Variants in SLC20A2 observed in about 807,000 individuals in gnomAD.
SLC20A2 encodes the protein sodium-dependent phosphate transporter 2.
SLC20A2 carries 30 observed loss-of-function variants against 61.0 expected under a neutral mutation model. The ratio of observed to expected loss-of-function variants is 0.49; its 90% CI spans 0.37 to 0.67. The LOEUF (loss-of-function observed/expected upper bound fraction) is 0.67. SLC20A2 is among the 30% of genes least tolerant of loss of function. The pLI, the probability that SLC20A2 is intolerant of heterozygous loss-of-function variation, is 0.00. For synonymous variants in SLC20A2, 351 were observed against 353.3 expected, an observed-to-expected ratio of 0.99 and a Z score of 0.07; for missense variants, 626 against 866.4, an observed-to-expected ratio of 0.72 and a Z score of 3.48.
intron 1 of SLC20A2, among the ~76,000 whole-genome samples, chr8:42,490,563 CT>C (rs1307381114): frequency 6.6e-6 from 1 of 152,168 alleles, no homozygotes; most frequent in Non-Finnish European, 1.5e-5. Flanking sequence ...TGCCACTGCA[CT>C]CCACCCTGAG....
rs560264791 is a variant in SLC20A2, at chr8:42,447,972, C to T, written c.614-3210G>A. 3.9e-5 allele frequency among the ~76,000 whole-genome samples: 6 copies of T among 152,330 alleles called. No individual in the cohort carries two copies. In the South Asian group the frequency reaches 8.3e-4, roughly 21 times the overall value. On this transcript the variant is annotated intron_variant, in intron 5 of 10. Transcript: ENST00000520262. ...CACCCAAAGCTGAGAGCCGCTTGTGCGACCCCTTGGTTGGTTGCACTGGGC... is the reference window on the plus strand; with the variant it reads ...CACCCAAAGCTGAGAGCCGCTTGTGTGACCCCTTGGTTGGTTGCACTGGGC...
intron 8 of SLC20A2, among the ~76,000 whole-genome samples, chr8:42,434,708 C>T (rs557692461): frequency 1.2e-4 from 18 of 152,300 alleles, no homozygotes; most frequent in African/African-American, 3.8e-4. Context: ...CCTCTTCTCA[C>T]TCAGATGACT....
intron 1 of SLC20A2, among the ~76,000 whole-genome samples, chr8:42,510,923 A>C (rs1358049576): frequency 6.6e-6 from 1 of 151,946 alleles, no homozygotes; most frequent in Non-Finnish European, 1.5e-5. Flanking sequence ...TATATATTTT[A>C]TATGTAAGCT....
chr8:42,438,080 A>AAAAAAAAAAAAAG (rs1804479313), intron 7 of SLC20A2, among the ~76,000 whole-genome samples: 1 of 148,632 alleles, frequency 6.7e-6, no homozygotes, highest in East Asian at 1.9e-4. Context: ...AAAAAAAAAA[A>AAAAAAAAAAAAAG]AAAAAAAAAC....
intron 1 of SLC20A2, among the ~76,000 whole-genome samples, chr8:42,491,285 C>T (rs1000203255): frequency 4.6e-5 from 7 of 152,166 alleles, no homozygotes; most frequent in Admixed American, 6.5e-5. Flanking sequence ...GAGGCTGAGG[C>T]GGGCGATCAC....
chr8:42,514,469 C>A (rs1312906719), intron 1 of SLC20A2, among the ~76,000 whole-genome samples: 1 of 152,064 alleles, frequency 6.6e-6, no homozygotes, highest in Non-Finnish European at 1.5e-5. Flanking sequence ...CTAAAAAGCC[C>A]TCCCCTGGCT....
intron 1 of SLC20A2, among the ~76,000 whole-genome samples, chr8:42,537,220 C>T (rs1053507537): frequency 6.6e-6 from 1 of 151,626 alleles, no homozygotes; most frequent in African/African-American, 2.4e-5. Context: ...CTCATCTTTA[C>T]ACAAAATTTA....
Position 42,444,745 on chromosome 8 carries a change from G to C in SLC20A2, c.631C>G (p.Pro211Ala). The C allele has an allele frequency of 6.2e-7, 1 of 1,613,842 alleles. No homozygotes were observed. Among genetic ancestry groups the C allele is most frequent in the Non-Finnish European group, 8.5e-7 (1 of 1,179,804 alleles). Residue 211 changes from proline to alanine, a missense_variant, in exon 6 of 11, where the codon CCC becomes GCC. Physicochemically the swap from Pro to Ala is conservative, Grantham distance 27 (BLOSUM62 -1). Around this residue, in one of 3 missense-constraint regions of SLC20A2, gnomAD observed 361 missense variants for 422.3 expected, o/e 0.85. Transcript: ENST00000520262. ...TGAPVLGLVL[P>A]MWAIALISFG... ...GAAATGAGGGCTATGGCCCACATGGGGAGAACAAGGCCGAGCACTGGGAAG... is the reference window on the plus strand; with the variant it reads ...GAAATGAGGGCTATGGCCCACATGGCGAGAACAAGGCCGAGCACTGGGAAG...
At chr8:42,461,455 T>C (rs927346801) in intron 4 of SLC20A2, among the ~76,000 whole-genome samples, 1 of 119,858 alleles carries the variant, frequency 8.3e-6, no homozygotes, top group African/African-American at 4.3e-5. Context: ...TTCAAATATC[T>C]TTTTTTTTTT....
Position 42,417,898 on chromosome 8 carries a change from T to C in SLC20A2, c.1864A>G (p.Ile622Val). ...KAVDWRLFRN[I>V]FVAWFVTVPV... ...ACGGTCACGAACCAGGCCACGAAGA[T>C]GTTCCGAAAGAGGCGCCAGTCCACA... is the stretch of plus-strand genomic sequence containing the variant. The change falls in exon 11 of 11, where the codon ATC becomes GTC. Residue 622 changes from isoleucine (I) to valine (V), a missense_variant. Physicochemically the swap from Ile to Val is conservative, Grantham distance 29. Transcript: ENST00000520262. 1.2e-6 allele frequency: 2 copies of C among 1,613,838 alleles called. No individual in the cohort carries two copies. The highest frequency in any genetic ancestry group is 1.7e-6 in the Non-Finnish European group (2 of 1,179,902).
At chr8:42,503,293 A>G (rs1810435824), upstream of SLC20A2, among the ~76,000 whole-genome samples, 1 of 152,212 alleles carries the variant, frequency 6.6e-6, no homozygotes, top group African/African-American at 2.4e-5. Context: ...TCTGTATCAG[A>G]GTACCTTGAA....
chr8:42,540,704 G>A (rs1417097182), intron 1 of SLC20A2, among the ~76,000 whole-genome samples: 3 of 152,196 alleles, frequency 2.0e-5, no homozygotes, highest in Admixed American at 6.5e-5. Flanking sequence ...TTACCAGTCA[G>A]CTGGTCCTAG....
intron 1 of SLC20A2, among the ~76,000 whole-genome samples, chr8:42,507,667 T>C (rs1810789529): frequency 6.6e-6 from 1 of 152,234 alleles, no homozygotes. Flanking sequence ...TTTGTATAAG[T>C]GGCAGGATGC....
intron 2 of SLC20A2, among the ~76,000 whole-genome samples, chr8:42,468,502 C>T (rs1288875539): frequency 6.6e-6 from 1 of 152,102 alleles, no homozygotes; most frequent in Non-Finnish European, 1.5e-5. Flanking sequence ...GGTGATAGCA[C>T]CTTAGCCTCA....
At chr8:42,539,087 T>C (rs562341437) in intron 1 of SLC20A2, among the ~76,000 whole-genome samples, 15 of 152,138 alleles carry the variant, frequency 9.9e-5, no homozygotes, top group African/African-American at 3.6e-4. Flanking sequence ...TAATGACAAC[T>C]CTCAACTCCT....
chr8:42,418,007 A>G, intron 10 of SLC20A2, 40 bp from the exon 11 acceptor site: 1 of 1,579,842 alleles, frequency 6.3e-7, no homozygotes. Flanking sequence ...CAGGTGAGCC[A>G]CAAAGGCTAC....
rs772953742 is a variant in SLC20A2 at position 42,437,301 on chromosome 8, G to A, written c.1211C>T (p.Ala404Val). ...CGLPVHATFR[A>V]ADSSAPEDSE... is the part of the protein sequence containing the mutation. ...GTCCTCTGGGGCCGATGAGTCCGCA[G>A]CTCGAAAGGTGGCGTGCACTGGCAG... The change falls in exon 8 of 11, where the codon GCT becomes GTT. Residue 404 changes from alanine to valine, a missense_variant. Physicochemically the swap from Ala to Val is moderately conservative, Grantham distance 64 (BLOSUM62 0). Transcript: ENST00000520262. The surrounding 1 kb of genome is among the most constrained non-coding windows in gnomAD (Gnocchi z 6.4). The A allele has an allele frequency of 6.2e-7, 1 of 1,614,192 alleles. No homozygotes were observed. The highest frequency in any genetic ancestry group is 8.5e-7 in the Non-Finnish European group (1 of 1,180,040).
rs2131406443 is a variant in SLC20A2 at position 42,523,359 on chromosome 8, T to G, written c.-265+18462A>C. On this transcript the variant is annotated intron_variant, in intron 1 of 10. Coordinates refer to the SLC20A2 transcript ENST00000342228. ...AAACTAAATAAATAAATAAAATAAA[T>G]AAATAAATAAATTGCATATTTTAAC... is the stretch of plus-strand genomic sequence containing the variant. Among the ~76,000 whole-genome samples the G allele has an allele frequency of 1.3e-5, 2 of 152,082 alleles. 1 individual carries two copies. The highest frequency in any genetic ancestry group is 4.1e-4 in the South Asian group (2 of 4,824).
chr8:42,492,229 G>A (rs570377166), intron 1 of SLC20A2, among the ~76,000 whole-genome samples: 1 of 152,228 alleles, frequency 6.6e-6, no homozygotes, highest in East Asian at 1.9e-4. Context: ...GGTAGTGGGC[G>A]CCTGTAATCC....
Sources: gnomAD v4.1 joint callset for allele counts (sites outside exome capture counted in the v4.1 genomes callset) on GRCh38, gnomAD v4.1.1 for gene constraint, gnomAD v4.1.1 regional missense constraint, Gnocchi (gnomAD v3.1) non-coding constraint, MANE v1.5 for transcripts, NCBI Gene and HGNC (gene_info 2026-07-23, HGNC 2026-07-21) for gene names.